The following UGP2 variants were observed in gnomAD, a reference collection of about 807,000 sequenced individuals.
The protein encoded by UGP2 is UTP--glucose-1-phosphate uridylyltransferase.
UGP2 carries 40 observed loss-of-function variants against 49.0 expected under a neutral mutation model. The observed-to-expected ratio is 0.82, with a 90% CI of 0.63 to 1.06. The LOEUF is 1.06. Among genes scored for constraint, UGP2 ranks in the 50% least tolerant of loss-of-function variants. The probability of loss-of-function intolerance (pLI) is 0.00; values close to 1 mark genes in which losing one functional copy is unlikely to be tolerated. For missense variants in UGP2, 460 were observed against 603.5 expected (o/e 0.76, Z 2.49); for synonymous variants, 225 against 213.0 (o/e 1.06, Z -0.49).
intron 6 of UGP2, 116 bp downstream of exon 6, chr2:63,886,002 T>C (rs1671644429): frequency 1.7e-6 from 2 of 1,174,330 alleles, no homozygotes; most frequent in South Asian, 1.9e-5. Flanking sequence ...TAATATGTTC[T>C]GTTTGACATA....
chr2:63,858,047 G>T (rs866730911), intron 3 of UGP2, 111 bp downstream of exon 3: 12 of 975,678 alleles, frequency 1.2e-5, no homozygotes, highest in African/African-American at 9.9e-5. Context: ...AGACAAGACA[G>T]GACTTGCTTT....
intron 1 of UGP2, among the ~76,000 whole-genome samples, chr2:63,847,620 A>G (rs1672019876): frequency 6.6e-6 from 1 of 152,104 alleles, no homozygotes; most frequent in Admixed American, 6.5e-5. Context: ...GTAAAGGAAA[A>G]TTACAGTCAA....
At chr2:63,882,372 CT>C in intron 3 of UGP2, 93 bp from the exon 4 acceptor site, 1 of 1,197,400 alleles carries the variant, frequency 8.4e-7, no homozygotes, top group South Asian at 2.6e-5. Flanking sequence ...GAAACCGAAA[CT>C]TTATGGAAGC....
At position 63,885,886 on chromosome 2, in the gene UGP2, G is replaced by T; in HGVS notation, c.873G>T (p.Lys291Asn). The T allele has an allele frequency of 6.4e-7, 1 of 1,561,904 alleles. No individual in the cohort carries two copies. The highest frequency in any genetic ancestry group is 1.2e-5 in the South Asian group (1 of 82,086). ...CAAATAAAACACGTGCAGATGTAAA[G>T]GTAAATACCGAGAGGAAGCAGTTTA... ...EVTNKTRADV[K>N]GGTLTQYEGK... is the part of the protein sequence containing the mutation. The change falls in exon 6 of 10, where the codon AAG becomes AAT. Residue 291 changes from lysine (K) to asparagine (N), a missense_variant and splice_region_variant. Lys to Asn is a moderately conservative substitution (Grantham distance 94). This residue lies in a region of UGP2 where 317 missense variants were observed against 473.0 expected (regional missense o/e 0.67). Transcript: ENST00000337130.
intron 1 of UGP2, among the ~76,000 whole-genome samples, chr2:63,844,322 C>T (rs1427703809): frequency 2.6e-5 from 4 of 152,176 alleles, no homozygotes; most frequent in Admixed American, 2.0e-4. Context: ...TTTTTTTAAG[C>T]AAATCAAATT....
chr2:63,860,436 A>G (rs1669756798), intron 3 of UGP2, among the ~76,000 whole-genome samples: 1 of 152,212 alleles, frequency 6.6e-6, no homozygotes, highest in Non-Finnish European at 1.5e-5. Context: ...GGCTTGTAAC[A>G]AAACCTGAAA....
chr2:63,872,151 A>AG (rs1287910227), intron 3 of UGP2, among the ~76,000 whole-genome samples: 2 of 152,238 alleles, frequency 1.3e-5, no homozygotes, highest in African/African-American at 4.8e-5. Flanking sequence ...CTGGAGAGAA[A>AG]CTTTGGCTGA....
intron 3 of UGP2, among the ~76,000 whole-genome samples, chr2:63,864,516 T>C (rs1670049645): frequency 6.6e-6 from 1 of 152,232 alleles, no homozygotes; most frequent in Non-Finnish European, 1.5e-5. Flanking sequence ...CTCAGATAAC[T>C]CTAGGAGCTC....
At chr2:63,871,218 C>A (rs577018278) in intron 3 of UGP2, among the ~76,000 whole-genome samples, 5 of 152,168 alleles carry the variant, frequency 3.3e-5, no homozygotes, top group Non-Finnish European at 7.3e-5. Flanking sequence ...CCCCTCTCCC[C>A]TAATCCCCTG....
At chr2:63,848,413 G>T (rs1668817195) in intron 1 of UGP2, among the ~76,000 whole-genome samples, 1 of 152,184 alleles carries the variant, frequency 6.6e-6, no homozygotes, top group Non-Finnish European at 1.5e-5. Flanking sequence ...GCCCAGGCTG[G>T]AATGCAGTGG....
intron 3 of UGP2, among the ~76,000 whole-genome samples, chr2:63,877,446 G>A (rs1435021141): frequency 1.3e-5 from 2 of 152,142 alleles, no homozygotes; most frequent in East Asian, 1.9e-4. Context: ...TGTGCATGTC[G>A]ACGGATAATT....
At chr2:63,848,626 T>C (rs541889505) in intron 1 of UGP2, among the ~76,000 whole-genome samples, 1 of 152,378 alleles carries the variant, frequency 6.6e-6, no homozygotes, top group African/African-American at 2.4e-5. Flanking sequence ...CCTCCCAAAG[T>C]GCTGGGATTA....
Position 63,842,171 on chromosome 2 carries a change from T to C in UGP2, c.-15T>C. On this transcript the variant is annotated 5_prime_UTR_variant, in exon 1 of 10. Coordinates refer to ENST00000337130, the MANE Select transcript of UGP2 (RefSeq NM_006759.4). Reference sequence around the variant, plus strand: ...AAAAAAAAAAAAAGCCGGAGTATTTTACTAAGCCCCTAAAATGTCGAGATT... The same window carrying C: ...AAAAAAAAAAAAAGCCGGAGTATTTCACTAAGCCCCTAAAATGTCGAGATT... 1 of 1,585,706 alleles carries C rather than the reference T, an allele frequency of 6.3e-7. No homozygotes were observed. The highest frequency in any genetic ancestry group is 2.2e-5 in the East Asian group (1 of 44,786).
At chr2:63,868,049 A>C (rs759499972) in intron 3 of UGP2, among the ~76,000 whole-genome samples, 16 of 152,228 alleles carry the variant, frequency 1.1e-4, no homozygotes, top group Non-Finnish European at 2.4e-4. Context: ...CCTAGGTTAT[A>C]TGTAGAATTA....
chr2:63,880,135 TTCCTC>T (rs1671190483), intron 3 of UGP2, among the ~76,000 whole-genome samples: 1 of 151,768 alleles, frequency 6.6e-6, no homozygotes, highest in South Asian at 2.1e-4. Flanking sequence ...CTTTCTTTCC[TTCCTC>T]TCCTCTCCCC....
chr2:63,891,402 T>G lies in UGP2; in HGVS notation c.*175T>G. 4.6e-6 allele frequency: 2 copies of G among 433,488 alleles called. No individual in the cohort carries two copies. The highest frequency in any genetic ancestry group is 8.0e-6 in the Non-Finnish European group (2 of 249,770). 26.9% of individuals were successfully genotyped at this position (433,488 alleles called of 1,614,324 possible). A position where few individuals can be genotyped will look rare whatever the true frequency, so the allele number is the denominator to read the frequency against. On this transcript the variant is annotated 3_prime_UTR_variant, in exon 10 of 10. Transcript: ENST00000337130. ...TCTAAGAAAAGCACAGATGGAGCAA[T>G]ACTTTCCTTCTTTGAAGAGAATCCC...
intron 3 of UGP2, among the ~76,000 whole-genome samples, chr2:63,866,124 C>T (rs944954203): frequency 6.6e-6 from 1 of 152,148 alleles, no homozygotes; most frequent in African/African-American, 2.4e-5. Context: ...TAGAATGATT[C>T]TTCTGCATGC....
chr2:63,891,424 T>TC lies in UGP2; in HGVS notation c.*200dup, dbSNP rs1257538284. On this transcript the variant is annotated 3_prime_UTR_variant, in exon 10 of 10. Coordinates refer to ENST00000337130, the MANE Select transcript of UGP2 (RefSeq NM_006759.4). ...CAATACTTTCCTTCTTTGAAGAGAA[T>TC]CCCAAAAGTTAGTTCATCTTAAAGT... is the stretch of plus-strand genomic sequence containing the variant. 3 of 399,718 alleles carry TC rather than the reference T, an allele frequency of 7.5e-6. No individual in the cohort carries two copies. Among genetic ancestry groups the TC allele is most frequent in the African/African-American group, 6.2e-5 (3 of 48,350 alleles). The allele number at this position is 399,718 out of a possible 1,614,324, so 24.8% of individuals were successfully genotyped here.
chr2:63,861,500 G>A (rs1663036755), intron 3 of UGP2, among the ~76,000 whole-genome samples: 1 of 151,426 alleles, frequency 6.6e-6, no homozygotes, highest in East Asian at 1.9e-4. Context: ...ACCAGCACAG[G>A]CAACATAGAC....
Sources: allele counts gnomAD v4.1 joint callset (sites outside exome capture counted in the v4.1 genomes callset), GRCh38; gene constraint gnomAD v4.1.1; regional missense constraint gnomAD v4.1.1; transcripts MANE v1.5; gene names NCBI Gene and HGNC (gene_info 2026-07-23, HGNC 2026-07-21).